Variants in LOXL2 observed in about 807,000 individuals in gnomAD.
The protein encoded by LOXL2 is lysyl oxidase homolog 2.
LOXL2 carries 70 observed loss-of-function variants against 93.0 expected under a neutral mutation model. That is an observed-to-expected ratio of 0.75 (90% CI 0.62 to 0.92). LOXL2 has a LOEUF of 0.92. Ranked by LOEUF, LOXL2 falls within the 40% of genes least tolerant of loss-of-function variation. The pLI is 0.00. For missense variants in LOXL2, 973 were observed against 1,054.9 expected, an observed-to-expected ratio of 0.92 and a Z score of 1.08; for synonymous variants, 438 against 413.2, an observed-to-expected ratio of 1.06 and a Z score of -0.73.
chr8:23,310,178 A>C (rs909903341), intron 9 of LOXL2, among the ~76,000 whole-genome samples: 1 of 152,242 alleles, frequency 6.6e-6, no homozygotes, highest in African/African-American at 2.4e-5. Context: ...GCTACGAGCG[A>C]AGCACAGATC....
chr8:23,299,956 G>A (rs1451553974), intron 12 of LOXL2, among the ~76,000 whole-genome samples: 3 of 152,222 alleles, frequency 2.0e-5, no homozygotes, highest in East Asian at 1.9e-4. Flanking sequence ...GCTGTGTCCC[G>A]CTGGGGCCCT....
chr8:23,302,619 G>A (rs1224972693), intron 11 of LOXL2, among the ~76,000 whole-genome samples: 1 of 152,212 alleles, frequency 6.6e-6, no homozygotes, highest in East Asian at 1.9e-4. Context: ...TGTCTGCTGT[G>A]TGATTTCACG....
intron 3 of LOXL2, among the ~76,000 whole-genome samples, chr8:23,345,172 C>G (rs1230246347): frequency 6.6e-6 from 1 of 152,198 alleles, no homozygotes; most frequent in Non-Finnish European, 1.5e-5. Context: ...GGAAGTTATC[C>G]AAGTTCACAC....
At chr8:23,374,089 TCCCTCCC>T (rs1313534809) in intron 1 of LOXL2, among the ~76,000 whole-genome samples, 1 of 130,744 alleles carries the variant, frequency 7.6e-6, no homozygotes, top group Non-Finnish European at 1.6e-5. Flanking sequence ...CCTAATGCTT[TCCCTCCC>T]CCCTCCCCCC....
At chr8:23,316,829 T>G in intron 9 of LOXL2, 120 bp downstream of exon 9, 1 of 1,046,836 alleles carries the variant, frequency 9.6e-7, no homozygotes, top group South Asian at 1.9e-5. Flanking sequence ...CCCTTAGGAT[T>G]TCATTCTACC....
At chr8:23,401,611 C>T (rs1563213149) in intron 1 of LOXL2, among the ~76,000 whole-genome samples, 1 of 151,488 alleles carries the variant, frequency 6.6e-6, no homozygotes, top group African/African-American at 2.4e-5. Flanking sequence ...CTTCTCTCTA[C>T]TTTTTTTGCA....
chr8:23,329,584 CGTGT>C (rs1242380510), intron 5 of LOXL2, among the ~76,000 whole-genome samples: 4 of 152,048 alleles, frequency 2.6e-5, no homozygotes, highest in Non-Finnish European at 5.9e-5. Flanking sequence ...TGCATGTATG[CGTGT>C]GTGTGTTTTG....
chr8:23,339,067 G>C (rs753643290), intron 4 of LOXL2, among the ~76,000 whole-genome samples: 1 of 152,160 alleles, frequency 6.6e-6, no homozygotes, highest in Non-Finnish European at 1.5e-5. Context: ...CTAGCCCTTT[G>C]CTGGCAGCTC....
In LOXL2 at chr8:23,341,125, C is replaced by A. The variant is rs779006391; in HGVS notation, c.610G>T (p.Gly204Cys). 3.1e-6 allele frequency: 5 copies of A among 1,613,908 alleles called. No homozygotes were observed. Among genetic ancestry groups the A allele is most frequent in the Non-Finnish European group, 4.2e-6 (5 of 1,180,032 alleles). The change falls in exon 4 of 14, where the codon GGC (glycine) becomes TGC (cysteine). Residue 204 changes from glycine (G) to cysteine (C), a missense_variant. Coordinates refer to ENST00000389131, the MANE Select transcript of LOXL2 (RefSeq NM_002318.3). ...TTGCCCTCCTTCACCTCCACGTAGC[C>A]CTCCATCACTGGGGTGCGCTTGCGG... is the stretch of plus-strand genomic sequence containing the variant. The part of the protein sequence containing the change: ...TYRKRTPVME[G>C]YVEVKEGKTW...
chr8:23,379,362 C>A (rs932794613), intron 1 of LOXL2, among the ~76,000 whole-genome samples: 11 of 152,204 alleles, frequency 7.2e-5, no homozygotes, highest in Non-Finnish European at 1.3e-4. Context: ...GGGTGCCTCC[C>A]AGTTAGGCTA....
At chr8:23,376,166 C>T (rs1804586385) in intron 1 of LOXL2, among the ~76,000 whole-genome samples, 1 of 152,154 alleles carries the variant, frequency 6.6e-6, no homozygotes, top group Admixed American at 6.5e-5. Context: ...TGAATTTTGT[C>T]AAAGGCCTTT....
At chr8:23,306,307 A>G (rs959157955) in intron 10 of LOXL2, among the ~76,000 whole-genome samples, 2 of 152,220 alleles carry the variant, frequency 1.3e-5, no homozygotes, top group Non-Finnish European at 2.9e-5. Context: ...TGCACTCTAC[A>G]TCTTTTCCCA....
Position 23,297,958 on chromosome 8 carries a change from C to G in LOXL2, c.*85G>C, listed in dbSNP as rs989195911. Reference sequence around the variant, plus strand: ...GGCCGGGCTGGGTGAGGGCACGTGGCATTCGTTCAGACTCAGTTGTTGGGG... The same window carrying G: ...GGCCGGGCTGGGTGAGGGCACGTGGGATTCGTTCAGACTCAGTTGTTGGGG... On this transcript the variant is annotated 3_prime_UTR_variant, in exon 14 of 14. Coordinates refer to ENST00000389131, the MANE Select transcript of LOXL2 (RefSeq NM_002318.3). The G allele has an allele frequency of 1.7e-5, 20 of 1,162,336 alleles. No individual in the cohort carries two copies. The African/African-American group carries it at 2.9e-4, about 17-fold the overall frequency. The allele number at this position is 1,162,336 out of a possible 1,614,324, so 72.0% of individuals were successfully genotyped here.
At chr8:23,330,291 G>T (rs752785923) in intron 5 of LOXL2, among the ~76,000 whole-genome samples, 1 of 152,330 alleles carries the variant, frequency 6.6e-6, no homozygotes, top group South Asian at 2.1e-4. Flanking sequence ...CCGAGATTGC[G>T]CCACTGCATT....
At chr8:23,367,933 C>T in intron 2 of LOXL2, 64 bp downstream of exon 2, 1 of 1,398,094 alleles carries the variant, frequency 7.2e-7, no homozygotes, top group Non-Finnish European at 9.9e-7. Flanking sequence ...AGGCTGACCT[C>T]AGGGAAGGCC....
At chr8:23,361,006 T>C (rs1804281044) in intron 2 of LOXL2, among the ~76,000 whole-genome samples, 1 of 151,676 alleles carries the variant, frequency 6.6e-6, no homozygotes, top group Non-Finnish European at 1.5e-5. Context: ...GTTCAAGTGA[T>C]TCCCCTGCCT....
intron 3 of LOXL2, among the ~76,000 whole-genome samples, chr8:23,346,489 C>T (rs1432661086): frequency 6.6e-6 from 1 of 152,186 alleles, no homozygotes. Flanking sequence ...GGACTTGTCA[C>T]GTCAGCCGGA....
intron 1 of LOXL2, among the ~76,000 whole-genome samples, chr8:23,397,352 G>T (rs963262898): frequency 3.3e-5 from 5 of 152,114 alleles, no homozygotes; most frequent in African/African-American, 1.2e-4. Context: ...TTAAGATGGT[G>T]AGTTTTATGT....
intron 10 of LOXL2, among the ~76,000 whole-genome samples, chr8:23,305,132 G>A (rs544467398): frequency 8.5e-5 from 13 of 152,292 alleles, no homozygotes; most frequent in African/African-American, 2.9e-4. Context: ...GAGACATGAG[G>A]TCTGACTCAC....
Sources: allele counts gnomAD v4.1 joint callset (sites outside exome capture counted in the v4.1 genomes callset), GRCh38; gene constraint gnomAD v4.1.1; transcripts MANE v1.5; gene names NCBI Gene and HGNC (gene_info 2026-07-23, HGNC 2026-07-21).